SMG5: variants seen among roughly 807,000 people sequenced by gnomAD.
SMG5 encodes SMG5 nonsense mediated mRNA decay factor.
A neutral mutation model predicts 122.9 loss-of-function variants in SMG5; 53 were observed. The ratio of observed to expected loss-of-function variants is 0.43; its 90% CI spans 0.35 to 0.54. The LOEUF (loss-of-function observed/expected upper bound fraction) is 0.54. SMG5 is among the 20% of genes least tolerant of loss of function. The pLI, the probability that SMG5 is intolerant of heterozygous loss-of-function variation, is 0.01. For missense variants in SMG5, 1,153 were observed against 1,285.6 expected, an observed-to-expected ratio of 0.90 and a Z score of 1.58; for synonymous variants, 477 against 490.2, an observed-to-expected ratio of 0.97 and a Z score of 0.35.
chr1:156,251,493 G>GC lies in SMG5; in HGVS notation c.2754-17dup. 6 of 1,613,560 alleles carry GC rather than the reference G, an allele frequency of 3.7e-6. No homozygotes were observed. The highest frequency in any genetic ancestry group is 5.1e-6 in the Non-Finnish European group (6 of 1,179,852). ...GCGAATGTACCTGCAGAGGAGATGTGCGAGTGGAGGTCAGGAGCAGGAGAC... is the reference window on the plus strand; with the variant it reads ...GCGAATGTACCTGCAGAGGAGATGTGCCGAGTGGAGGTCAGGAGCAGGAGAC... On this transcript the variant is annotated splice_polypyrimidine_tract_variant and intron_variant, in intron 19 of 21. Transcript: ENST00000361813.
At chr1:156,263,683 G>T in intron 12 of SMG5, 113 bp from the exon 13 acceptor site, 1 of 1,196,274 alleles carries the variant, frequency 8.4e-7, no homozygotes, top group Non-Finnish European at 1.1e-6. Flanking sequence ...GCCCTTCCAA[G>T]GAATTTGGAT....
chr1:156,289,651 G>T, the SMG5 span, among the ~76,000 whole-genome samples: 1 of 152,080 alleles, frequency 6.6e-6, no homozygotes, highest in Non-Finnish European at 1.5e-5. Flanking sequence ...TCTGGTACTT[G>T]GTTCATTATA....
At chr1:156,259,226 C>T (rs1434224096) in intron 15 of SMG5, 63 bp from the exon 16 acceptor site, 2 of 1,457,708 alleles carry the variant, frequency 1.4e-6, no homozygotes, top group Non-Finnish European at 1.8e-6. Context: ...CCCTGCCCTC[C>T]AGGACCCTCC....
At chr1:156,253,157 G>A (rs1241842146) in intron 17 of SMG5, 79 bp from the exon 18 acceptor site, 2 of 1,427,602 alleles carry the variant, frequency 1.4e-6, no homozygotes, top group East Asian at 4.8e-5. Flanking sequence ...GCTCAAGGTG[G>A]CTCTATGGGG....
chr1:156,253,164 G>A, intron 17 of SMG5, 86 bp from the exon 18 acceptor site: 1 of 1,418,458 alleles, frequency 7.0e-7, no homozygotes, highest in Non-Finnish European at 9.4e-7. Context: ...GTGGCTCTAT[G>A]GGGCTCCTCC....
At chr1:156,271,618 G>A (rs2101551224) in intron 7 of SMG5, among the ~76,000 whole-genome samples, 1 of 131,068 alleles carries the variant, frequency 7.6e-6, no homozygotes, top group Non-Finnish European at 1.5e-5. Context: ...CTGTTGCCCA[G>A]GCTGGAGTGC....
chr1:156,266,626 G>A lies in SMG5; in HGVS notation c.1170C>T (p.His390=), dbSNP rs1426903850. ...GCCGTATGTTGACATGATTGACGAGGTGGGAAAAGAGGGCCAGGGTGAAGG... is the reference window on the plus strand; with the variant it reads ...GCCGTATGTTGACATGATTGACGAGATGGGAAAAGAGGGCCAGGGTGAAGG... ...AIAFTLALFS[H]LVNHVNIRLQ... Residue 390 remains histidine (H), a synonymous_variant, in exon 11 of 22, where the codon CAC becomes CAT. Coordinates refer to ENST00000361813, the MANE Select transcript of SMG5 (RefSeq NM_015327.3). The A allele has an allele frequency of 1.9e-6, 3 of 1,614,110 alleles. No homozygotes were observed. The highest frequency in any genetic ancestry group is 2.5e-6 in the Non-Finnish European group (3 of 1,180,032).
At chr1:156,261,212 G>A in intron 14 of SMG5, 121 bp downstream of exon 14, 1 of 898,774 alleles carries the variant, frequency 1.1e-6, no homozygotes, top group Admixed American at 1.8e-5. Context: ...GTGCTAGGGA[G>A]GCTGGCAGTG....
intron 16 of SMG5, 179 bp from the exon 17 acceptor site, chr1:156,253,687 C>G: frequency 1.6e-6 from 1 of 642,256 alleles, no homozygotes; most frequent in South Asian, 1.7e-5. Context: ...CCACTGCACT[C>G]TGAACAACTT....
chr1:156,267,565 T>C lies in SMG5; in HGVS notation c.1022A>G (p.Glu341Gly). ...GAAAGCATATCCACTCTCATACTCCTCCTCATCCTCACTGGCCAGGCTGAG... is the reference window on the plus strand; with the variant it reads ...GAAAGCATATCCACTCTCATACTCCCCCTCATCCTCACTGGCCAGGCTGAG... ...PNLSLASEDE[E>G]EYESGYAFLP... The change falls in exon 10 of 22, where the codon GAG (glutamate) becomes GGG (glycine). Residue 341 changes from glutamate (E) to glycine (G), a missense_variant. Glu to Gly is a moderately conservative substitution (Grantham distance 98, BLOSUM62 -2). Transcript: ENST00000361813. 6.2e-7 allele frequency: 1 copy of C among 1,614,026 alleles called. No individual in the cohort carries two copies. The highest frequency in any genetic ancestry group is 8.5e-7 in the Non-Finnish European group (1 of 1,179,988).
intron 13 of SMG5, among the ~76,000 whole-genome samples, chr1:156,262,797 G>A (rs1661914518): frequency 6.6e-6 from 1 of 152,234 alleles, no homozygotes. Context: ...AGGGAAGAAA[G>A]TCTTCCACAG....
intron 12 of SMG5, among the ~76,000 whole-genome samples, chr1:156,263,843 A>G (rs1661982394): frequency 6.6e-6 from 1 of 152,180 alleles, no homozygotes; most frequent in African/African-American, 2.4e-5. Context: ...AGACTCAAGT[A>G]ATTTGTGACG....
chr1:156,267,845 G>C (rs1662227310), intron 9 of SMG5, among the ~76,000 whole-genome samples, 167 bp from the exon 10 acceptor site: 1 of 152,174 alleles, frequency 6.6e-6, no homozygotes, highest in South Asian at 2.1e-4. Flanking sequence ...ACTAAAACAG[G>C]GGAAGGGATG....
intron 15 of SMG5, 133 bp downstream of exon 15, chr1:156,260,316 GCC>G: frequency 1.9e-6 from 2 of 1,079,932 alleles, no homozygotes; most frequent in Non-Finnish European, 2.7e-6. Context: ...AGGAAGCACA[GCC>G]TGTAGCCCCA....
At position 156,261,295 on chromosome 1, in the gene SMG5, G is replaced by A. The variant is rs911918608; in HGVS notation, c.2107+38C>T. ...GATGGGCTTAGTGGGGACAATGAGAGAGCAAAGAAAGGAGGGTAGTGCCAG... is the reference window on the plus strand; with the variant it reads ...GATGGGCTTAGTGGGGACAATGAGAAAGCAAAGAAAGGAGGGTAGTGCCAG... On this transcript the variant is annotated intron_variant, in intron 14 of 21. Transcript: ENST00000361813. 1.9e-6 allele frequency: 3 copies of A among 1,595,210 alleles called. No homozygotes were observed. In the African/African-American group the frequency reaches 4.0e-5, roughly 21 times the overall value.
At chr1:156,287,331 G>A (rs1428604021), upstream of SMG5, among the ~76,000 whole-genome samples, 2 of 152,076 alleles carry the variant, frequency 1.3e-5, no homozygotes, top group Admixed American at 6.5e-5. Context: ...CAGGAGAATC[G>A]CTTGAACCTG....
chr1:156,269,014 T>C (rs991752217), intron 7 of SMG5, among the ~76,000 whole-genome samples: 2 of 151,588 alleles, frequency 1.3e-5, no homozygotes, highest in Non-Finnish European at 2.9e-5. Context: ...TCTATCACCC[T>C]GGCTGGAGTG....
At chr1:156,260,162 C>T (rs1310636093) in intron 15 of SMG5, among the ~76,000 whole-genome samples, 1 of 151,994 alleles carries the variant, frequency 6.6e-6, no homozygotes, top group Non-Finnish European at 1.5e-5. Flanking sequence ...ATTTCGAAGC[C>T]CTAATAACTA....
chr1:156,260,761 A>G (rs1440970800), intron 14 of SMG5, 135 bp from the exon 15 acceptor site: 7 of 720,440 alleles, frequency 9.7e-6, no homozygotes, highest in Non-Finnish European at 8.3e-6. Context: ...GTGCGGAGAG[A>G]TGGAGGGAGT....
Sources: gnomAD v4.1 joint callset for allele counts (sites outside exome capture counted in the v4.1 genomes callset) on GRCh38, gnomAD v4.1.1 for gene constraint, MANE v1.5 for transcripts, NCBI Gene and HGNC (gene_info 2026-07-23, HGNC 2026-07-21) for gene names.